The following EFCC1 variants were observed in gnomAD, a reference collection of about 807,000 sequenced individuals.
EFCC1 encodes EF-hand and coiled-coil domain-containing protein 1.
In EFCC1, 50 loss-of-function variants were observed where a neutral mutation model predicts 52.1. The observed-to-expected ratio is 0.96, with a 90% CI of 0.76 to 1.21. The LOEUF is 1.21. Among genes scored for constraint, EFCC1 ranks in the 50% most tolerant of loss-of-function variants. The pLI is 0.00. For missense variants in EFCC1, 837 were observed against 867.3 expected (o/e 0.97, Z 0.44); for synonymous variants, 399 against 396.5 (o/e 1.01, Z -0.08).
chr3:129,033,105 A>G, intron 4 of EFCC1, 139 bp downstream of exon 4: 1 of 1,305,748 alleles, frequency 7.7e-7, no homozygotes, highest in Non-Finnish European at 1.0e-6. Flanking sequence ...CTTGTCCCTC[A>G]GGGGGAGGTG....
At chr3:129,033,508 T>C (rs1334574604) in intron 4 of EFCC1, among the ~76,000 whole-genome samples, 3 of 152,202 alleles carry the variant, frequency 2.0e-5, no homozygotes, top group Admixed American at 6.5e-5. Context: ...GTCAAAGATA[T>C]ACAATGCCTA....
chr3:129,002,109 C>T lies in EFCC1; in HGVS notation c.481C>T (p.Leu161=), dbSNP rs1319555347. The part of the protein sequence containing the change: ...GYFGTRAGPR[L]PRGALSEHIE... The stretch of plus-strand genomic sequence containing the variant: ...CTTCGGCACCCGTGCGGGGCCCCGG[C>T]TGCCCCGCGGCGCTCTCAGCGAGCA... The change falls in exon 1 of 8, where the codon CTG becomes TTG. Residue 161 remains leucine (L), a synonymous_variant. Transcript: ENST00000683648. 4 of 1,490,694 alleles carry T rather than the reference C, an allele frequency of 2.7e-6. No homozygotes were observed. Among genetic ancestry groups the T allele is most frequent in the Non-Finnish European group, 3.6e-6 (4 of 1,124,624 alleles). 92.3% of individuals were successfully genotyped at this position (1,490,694 alleles called of 1,614,324 possible).
At chr3:129,026,930 A>T (rs1946131889) in intron 2 of EFCC1, among the ~76,000 whole-genome samples, 1 of 152,188 alleles carries the variant, frequency 6.6e-6, no homozygotes, top group South Asian at 2.1e-4. Flanking sequence ...GGGCTCAAAA[A>T]ACACGAAATT....
At position 129,001,850 on chromosome 3, in the gene EFCC1, G is replaced by C. The variant is rs1241417460; in HGVS notation, c.222G>C (p.Leu74=). ...TGGACTGCCGCGGCGCCGGCCGTCT[G>C]CCCCGCGCCGACTTCCGAGCGCTCT... ...HHLDCRGAGR[L]PRADFRALCA... is the part of the protein sequence containing the mutation. The change falls in exon 1 of 8, where the codon CTG becomes CTC. Residue 74 remains leucine, a synonymous_variant. Transcript: ENST00000683648. The C allele has an allele frequency of 6.5e-7, 1 of 1,545,932 alleles. No individual in the cohort carries two copies. Among genetic ancestry groups the C allele is most frequent in the Admixed American group, 2.0e-5 (1 of 50,854 alleles).
intron 1 of EFCC1, chr3:129,003,417 G>T: frequency 2.3e-6 from 1 of 431,192 alleles, no homozygotes; most frequent in Non-Finnish European, 3.1e-6. Context: ...AATGCCACTG[G>T]GGGGAGTCTA....
chr3:129,003,762 T>C (rs1351574852), intron 1 of EFCC1, 32 bp from the exon 2 acceptor site: 5 of 1,363,140 alleles, frequency 3.7e-6, no homozygotes, highest in East Asian at 3.2e-5. Context: ...CTGGGGCACT[T>C]ACCCCCTGCC....
intron 2 of EFCC1, among the ~76,000 whole-genome samples, chr3:129,017,171 T>C (rs962201588): frequency 5.3e-5 from 8 of 152,236 alleles, no homozygotes; most frequent in Non-Finnish European, 7.3e-5. Flanking sequence ...CATGCCTGTT[T>C]CTAAACCAAT....
At position 129,014,853 on chromosome 3, in the gene EFCC1, A is replaced by G. The variant is rs2107892428; in HGVS notation, c.980+10776A>G. Among the ~76,000 whole-genome samples the G allele has an allele frequency of 6.6e-6, 1 of 152,182 alleles. No individual in the cohort carries two copies. Among genetic ancestry groups the G allele is most frequent in the South Asian group, 2.1e-4 (1 of 4,820 alleles). On this transcript the variant is annotated intron_variant, in intron 2 of 7. Coordinates refer to ENST00000683648, the MANE Select transcript of EFCC1 (RefSeq NM_001377500.1). The surrounding 1 kb of genome is among the most constrained non-coding windows in gnomAD (Gnocchi z 4.3). ...CAGCCTGGATGCCGAGGGGCCAGTG[A>G]GGAGGGGCCAGTGAGGAGGAGCAGG...
chr3:129,018,008 C>T (rs1181321426), intron 2 of EFCC1, among the ~76,000 whole-genome samples: 1 of 152,134 alleles, frequency 6.6e-6, no homozygotes, highest in Non-Finnish European at 1.5e-5. Flanking sequence ...AAATAACAGC[C>T]CTCCCTCCTG....
At chr3:129,035,747 C>A (rs775527407) in intron 5 of EFCC1, among the ~76,000 whole-genome samples, 19 of 152,120 alleles carry the variant, frequency 1.2e-4, no homozygotes, top group Non-Finnish European at 2.4e-4. Context: ...CTGCTAACAC[C>A]AAGTAGCATG....
intron 2 of EFCC1, among the ~76,000 whole-genome samples, chr3:129,019,764 C>CTTTTTTTTTTTTTTTTTTTTT (rs760118112): frequency 9.3e-6 from 1 of 107,424 alleles, no homozygotes; most frequent in East Asian, 3.0e-4. Context: ...ATTAAATTTA[C>CTTTTTTTTTTTTTTTTTTTTT]TTTTTTTTTT....
intron 1 of EFCC1, among the ~76,000 whole-genome samples, chr3:129,002,916 C>T (rs980223536): frequency 6.6e-6 from 1 of 152,194 alleles, no homozygotes; most frequent in Non-Finnish European, 1.5e-5. Context: ...GAACCAGACC[C>T]GCTCTGGGCT....
At chr3:129,011,915 T>C (rs1476655925) in intron 2 of EFCC1, among the ~76,000 whole-genome samples, 1 of 152,140 alleles carries the variant, frequency 6.6e-6, no homozygotes, top group East Asian at 1.9e-4. Context: ...GGAAGGAGCC[T>C]AGACAGGGAT....
chr3:129,004,193 G>C (rs1007917985), intron 2 of EFCC1, 116 bp downstream of exon 2: 3 of 1,203,392 alleles, frequency 2.5e-6, no homozygotes, highest in East Asian at 3.2e-5. Context: ...TTCTCCATGC[G>C]TTTATTCATG....
At chr3:129,021,265 A>G (rs1274135729) in intron 2 of EFCC1, among the ~76,000 whole-genome samples, 3 of 152,346 alleles carry the variant, frequency 2.0e-5, no homozygotes, top group East Asian at 3.9e-4. Context: ...ATATATAAAC[A>G]CAGGGTTTTC....
intron 2 of EFCC1, among the ~76,000 whole-genome samples, chr3:129,020,471 T>C (rs1047192474): frequency 1.3e-5 from 2 of 152,040 alleles, no homozygotes; most frequent in African/African-American, 2.4e-5. Flanking sequence ...ACTCCATCTC[T>C]ACAAAAAATA....
chr3:129,035,381 G>C (rs1946342158), intron 5 of EFCC1, among the ~76,000 whole-genome samples: 1 of 152,340 alleles, frequency 6.6e-6, no homozygotes, highest in Admixed American at 6.5e-5. Flanking sequence ...ATCCACGCCA[G>C]TGTGCCCACC....
chr3:129,019,209 G>A lies in EFCC1; in HGVS notation c.981-11494G>A, dbSNP rs148382327. On this transcript the variant is annotated intron_variant, in intron 2 of 7. Coordinates refer to ENST00000683648, the MANE Select transcript of EFCC1 (RefSeq NM_001377500.1). Reference sequence around the variant, plus strand: ...CCTTTGAATTCTTGAGTGGTCCTCCGTTCCTAGGTCACAAGGGTATTCTGC... The same window carrying A: ...CCTTTGAATTCTTGAGTGGTCCTCCATTCCTAGGTCACAAGGGTATTCTGC... Among the ~76,000 whole-genome samples, 19 of 152,350 alleles carry A rather than the reference G, an allele frequency of 1.2e-4. No individual in the cohort carries two copies. In the South Asian group the frequency reaches 1.4e-3, roughly 12 times the overall value.
At position 129,040,093 on chromosome 3, in the gene EFCC1, C is replaced by A; in HGVS notation, c.*245C>A. The stretch of plus-strand genomic sequence containing the variant: ...CCTGCATTCCTGCCACCAGAGTCCA[C>A]ATTAAAGCCCTGCAGTTGCTGGATC... On this transcript the variant is annotated 3_prime_UTR_variant, in exon 8 of 8. Coordinates refer to ENST00000683648, the MANE Select transcript of EFCC1 (RefSeq NM_001377500.1). This position sits in a 1 kb window ranked among gnomAD's most constrained non-coding sequence, Gnocchi z 4.4. 2.1e-6 allele frequency: 1 copy of A among 467,706 alleles called. No homozygotes were observed. The allele number at this position is 467,706 out of a possible 1,614,324, so 29.0% of individuals were successfully genotyped here. A position where few individuals can be genotyped will look rare whatever the true frequency, so the allele number is the denominator to read the frequency against.
Sources: gnomAD v4.1 joint callset for allele counts (sites outside exome capture counted in the v4.1 genomes callset) on GRCh38, gnomAD v4.1.1 for gene constraint, Gnocchi (gnomAD v3.1) non-coding constraint, MANE v1.5 for transcripts, NCBI Gene and HGNC (gene_info 2026-07-23, HGNC 2026-07-21) for gene names.